GABRB3: variants seen among roughly 807,000 people sequenced by gnomAD.
GABRB3 encodes the protein gamma-aminobutyric acid type A receptor subunit beta3, also known as gamma-aminobutyric acid receptor subunit beta-3.
GABRB3 carries 14 observed loss-of-function variants against 52.1 expected under a neutral mutation model. That is an observed-to-expected ratio of 0.27 (90% CI 0.18 to 0.42). The LOEUF (loss-of-function observed/expected upper bound fraction) is 0.42. Ranked by LOEUF, GABRB3 falls within the 10% of genes least tolerant of loss-of-function variation. The pLI is 1.00. For synonymous variants in GABRB3, 260 were observed against 232.3 expected, an observed-to-expected ratio of 1.12 and a Z score of -1.08; for missense variants, 307 against 609.1, an observed-to-expected ratio of 0.50 and a Z score of 5.22.
intron 3 of GABRB3, among the ~76,000 whole-genome samples, chr15:26,698,895 A>G (rs1888834966): frequency 6.6e-6 from 1 of 152,192 alleles, no homozygotes; most frequent in African/African-American, 2.4e-5. Flanking sequence ...AATGACAAAA[A>G]CATAACATTT....
intron 3 of GABRB3, among the ~76,000 whole-genome samples, chr15:26,707,385 G>T (rs1485102376): frequency 6.6e-6 from 1 of 152,198 alleles, no homozygotes; most frequent in East Asian, 1.9e-4. Flanking sequence ...GAAATGGCAA[G>T]ATGTTGAATG....
At chr15:26,572,044 C>CA (rs1890421827) in intron 6 of GABRB3, among the ~76,000 whole-genome samples, 3 of 79,396 alleles carry the variant, frequency 3.8e-5, no homozygotes, top group African/African-American at 4.7e-5. Flanking sequence ...GACTCCGTCT[C>CA]AAGAAAAAAA....
chr15:26,625,980 A>G (rs1037671423), intron 3 of GABRB3, among the ~76,000 whole-genome samples: 5 of 152,216 alleles, frequency 3.3e-5, no homozygotes, highest in African/African-American at 1.2e-4. Context: ...CTTCACAGAT[A>G]CTGCATTTTT....
At chr15:26,638,708 G>T (rs1402046800) in intron 3 of GABRB3, among the ~76,000 whole-genome samples, 2 of 152,138 alleles carry the variant, frequency 1.3e-5, no homozygotes, top group Non-Finnish European at 2.9e-5. Context: ...TTTTTTAAAA[G>T]CTCCATTTGG....
intron 7 of GABRB3, among the ~76,000 whole-genome samples, chr15:26,564,031 G>A (rs945483429): frequency 6.6e-6 from 1 of 152,080 alleles, no homozygotes; most frequent in African/African-American, 2.4e-5. Flanking sequence ...AGAAGTATCA[G>A]TACTTTTGCA....
At chr15:26,606,805 T>TATCGATAGATATATAGATAG (rs1275882932) in intron 4 of GABRB3, among the ~76,000 whole-genome samples, 1 of 117,950 alleles carries the variant, frequency 8.5e-6, no homozygotes, top group African/African-American at 2.8e-5. Context: ...TAGATATATC[T>TATCGATAGATATATAGATAG]ATAGATAGAT....
At chr15:26,603,425 T>C (rs892009607) in intron 4 of GABRB3, among the ~76,000 whole-genome samples, 3 of 151,920 alleles carry the variant, frequency 2.0e-5, no homozygotes, top group Non-Finnish European at 2.9e-5. Context: ...ATCACCCTGA[T>C]ACCAAAACCA....
At chr15:26,759,646 C>T (rs1890759788) in intron 3 of GABRB3, among the ~76,000 whole-genome samples, 3 of 152,322 alleles carry the variant, frequency 2.0e-5, no homozygotes, top group Admixed American at 2.0e-4. Context: ...CCCACACTGG[C>T]CGAGTGCAGC....
intron 3 of GABRB3, among the ~76,000 whole-genome samples, chr15:26,764,879 C>T (rs1595357998): frequency 6.6e-6 from 1 of 152,032 alleles, no homozygotes; most frequent in Non-Finnish European, 1.5e-5. Context: ...GCCTGTAATC[C>T]CAGCACTTTG....
At chr15:26,684,500 TTG>T (rs1888340025) in intron 3 of GABRB3, among the ~76,000 whole-genome samples, 1 of 152,144 alleles carries the variant, frequency 6.6e-6, no homozygotes, top group Non-Finnish European at 1.5e-5. Context: ...ACTTGGCTGT[TTG>T]GTGCAAGAAG....
chr15:26,694,566 A>G (rs1449423515), intron 3 of GABRB3, among the ~76,000 whole-genome samples: 3 of 152,178 alleles, frequency 2.0e-5, no homozygotes, highest in African/African-American at 7.2e-5. Context: ...AATACACTTG[A>G]ACCCCTAGCC....
intron 3 of GABRB3, among the ~76,000 whole-genome samples, chr15:26,742,593 C>T (rs1051312382): frequency 1.3e-5 from 2 of 152,180 alleles, no homozygotes; most frequent in Non-Finnish European, 2.9e-5. Flanking sequence ...GCTTGACGCA[C>T]CATCTTTATT....
chr15:26,765,381 T>C (rs1281099171), intron 3 of GABRB3, among the ~76,000 whole-genome samples: 1 of 152,214 alleles, frequency 6.6e-6, no homozygotes, highest in Non-Finnish European at 1.5e-5. Flanking sequence ...ACAGACTTTG[T>C]GATCTTTGGT....
At chr15:26,637,331 C>G (rs1464580774) in intron 3 of GABRB3, among the ~76,000 whole-genome samples, 1 of 151,648 alleles carries the variant, frequency 6.6e-6, no homozygotes, top group Non-Finnish European at 1.5e-5. Flanking sequence ...GCAACCCGCA[C>G]CCTCTACACG....
At chr15:26,734,046 T>G (rs994911850) in intron 3 of GABRB3, among the ~76,000 whole-genome samples, 1 of 76,394 alleles carries the variant, frequency 1.3e-5, no homozygotes, top group Admixed American at 1.4e-4. Context: ...TTTTTTTTTT[T>G]GAGGCAGAGT....
At chr15:26,758,214 T>C (rs1890715586) in intron 3 of GABRB3, among the ~76,000 whole-genome samples, 1 of 152,234 alleles carries the variant, frequency 6.6e-6, no homozygotes, top group Non-Finnish European at 1.5e-5. Flanking sequence ...ACGGTTCCTA[T>C]TAATATGGCA....
At chr15:26,702,364 G>T (rs1888965603) in intron 3 of GABRB3, among the ~76,000 whole-genome samples, 1 of 152,154 alleles carries the variant, frequency 6.6e-6, no homozygotes, top group Non-Finnish European at 1.5e-5. Flanking sequence ...AGGAACCCTT[G>T]AGATTCAACA....
intron 3 of GABRB3, among the ~76,000 whole-genome samples, chr15:26,647,930 G>A (rs894097785): frequency 6.6e-6 from 1 of 152,220 alleles, no homozygotes; most frequent in African/African-American, 2.4e-5. Flanking sequence ...GGTTACCCTG[G>A]TTAGCAAGTG....
At chr15:26,716,680 C>A (rs1203639397) in intron 3 of GABRB3, 10 of 1,007,662 alleles carry the variant, frequency 9.9e-6, no homozygotes, top group Non-Finnish European at 1.2e-5. Context: ...CTTTAAGAAT[C>A]ATCCAATTAT....
Sources: gnomAD v4.1 joint callset for allele counts (sites outside exome capture counted in the v4.1 genomes callset) on GRCh38, gnomAD v4.1.1 for gene constraint, MANE v1.5 for transcripts, NCBI Gene and HGNC (gene_info 2026-07-23, HGNC 2026-07-21) for gene names.